Variants in PALMD observed in about 807,000 individuals in gnomAD.
PALMD encodes the protein palmdelphin.
A neutral mutation model predicts 56.2 loss-of-function variants in PALMD; 42 were observed. The observed-to-expected ratio is 0.75, with a 90% CI of 0.58 to 0.97. The LOEUF (loss-of-function observed/expected upper bound fraction) is 0.97, where lower values mean the gene tolerates loss of function less well. PALMD is among the 50% of genes least tolerant of loss of function. PALMD has a pLI of 0.00. For synonymous variants in PALMD, 242 were observed against 222.9 expected, an observed-to-expected ratio of 1.09 and a Z score of -0.76; for missense variants, 660 against 643.8, an observed-to-expected ratio of 1.03 and a Z score of -0.27.
chr1:99,690,388 A>C (rs1653628089), intron 7 of PALMD, among the ~76,000 whole-genome samples: 2 of 151,330 alleles, frequency 1.3e-5, no homozygotes, highest in East Asian at 1.9e-4. Context: ...TATTTTCCTA[A>C]TTTTTCTACA....
chr1:99,652,640 G>A (rs28637971), intron 1 of PALMD, among the ~76,000 whole-genome samples: 2 of 134,952 alleles, frequency 1.5e-5, no homozygotes, highest in Admixed American at 1.6e-4. Context: ...AAAAGGAAAG[G>A]AAAGAAAAAA....
At chr1:99,674,031 T>C (rs1653149551) in intron 3 of PALMD, among the ~76,000 whole-genome samples, 1 of 152,168 alleles carries the variant, frequency 6.6e-6, no homozygotes, top group African/African-American at 2.4e-5. Context: ...ATCCAGCTAT[T>C]TTGAGTCAAG....
chr1:99,676,782 G>A (rs72723708), intron 3 of PALMD, among the ~76,000 whole-genome samples: 19,525 of 149,376 alleles, frequency 0.13, 1,694 homozygotes, highest in Non-Finnish European at 0.2. Context: ...ACTTTAAAAA[G>A]TAAAAAAAGA....
intron 1 of PALMD, among the ~76,000 whole-genome samples, chr1:99,653,065 C>T (rs1652631311): frequency 6.6e-6 from 1 of 152,180 alleles, no homozygotes; most frequent in South Asian, 2.1e-4. Flanking sequence ...TACGTAGCCT[C>T]TTCCCTGCAG....
chr1:99,659,644 A>G (rs1376111013), intron 1 of PALMD, among the ~76,000 whole-genome samples: 3 of 152,246 alleles, frequency 2.0e-5, no homozygotes, highest in Non-Finnish European at 4.4e-5. Context: ...GTTGACTTAT[A>G]GTTTATTCTG....
chr1:99,681,220 A>G (rs116778311), intron 3 of PALMD, among the ~76,000 whole-genome samples: 5,537 of 151,964 alleles, frequency 0.036, 280 homozygotes, highest in African/African-American at 0.12. Context: ...CCCCAGTACA[A>G]CAAAATAACC....
In PALMD at chr1:99,653,673, T is replaced by C. The variant is rs539901951; in HGVS notation, c.45+7311T>C. 9.9e-5 allele frequency among the ~76,000 whole-genome samples: 15 copies of C among 152,192 alleles called. No individual in the cohort carries two copies. In the South Asian group the frequency reaches 2.3e-3, roughly 23 times the overall value. On this transcript the variant is annotated intron_variant, in intron 1 of 7. Transcript: ENST00000263174. ...TTCTTTATCCACGTCCTCACTCTCT[T>C]TACACCATGCCCAAGTTCACCCAGC...
intron 1 of PALMD, among the ~76,000 whole-genome samples, chr1:99,657,750 T>C (rs1652757968): frequency 6.6e-6 from 1 of 152,218 alleles, no homozygotes; most frequent in South Asian, 2.1e-4. Flanking sequence ...ACTCCCTATA[T>C]GGTAACTTAG....
chr1:99,648,626 C>G (rs1483703440), intron 1 of PALMD, among the ~76,000 whole-genome samples: 4 of 151,672 alleles, frequency 2.6e-5, no homozygotes, highest in Non-Finnish European at 5.9e-5. Flanking sequence ...CCCAATGCAC[C>G]CAGACATAGC....
At chr1:99,650,643 G>A (rs1652560041) in intron 1 of PALMD, among the ~76,000 whole-genome samples, 1 of 152,044 alleles carries the variant, frequency 6.6e-6, no homozygotes, top group Non-Finnish European at 1.5e-5. Flanking sequence ...GTGATTTGTG[G>A]GGCCCAAAAC....
chr1:99,653,456 T>G (rs1260582816), intron 1 of PALMD, among the ~76,000 whole-genome samples: 1 of 152,040 alleles, frequency 6.6e-6, no homozygotes, highest in African/African-American at 2.4e-5. Flanking sequence ...AGAGGTCTGT[T>G]AGAATGTGTT....
chr1:99,662,907 T>A (rs1392957448), intron 2 of PALMD, among the ~76,000 whole-genome samples: 1 of 152,216 alleles, frequency 6.6e-6, no homozygotes, highest in Non-Finnish European at 1.5e-5. Flanking sequence ...CATGAGATCA[T>A]AACCAGAAAT....
chr1:99,661,436 G>A (rs892537203), intron 1 of PALMD, among the ~76,000 whole-genome samples: 1 of 152,138 alleles, frequency 6.6e-6, no homozygotes, highest in African/African-American at 2.4e-5. Flanking sequence ...TACCTCTAGA[G>A]CACTGTGACG....
Position 99,646,248 on chromosome 1 carries a change from C to A in PALMD, c.-70C>A. 2.4e-6 allele frequency: 3 copies of A among 1,250,336 alleles called. No individual in the cohort carries two copies. The highest frequency in any genetic ancestry group is 3.5e-6 in the Non-Finnish European group (3 of 848,594). 77.5% of individuals were successfully genotyped at this position (1,250,336 alleles called of 1,614,324 possible). ...CTCTTCTGTCACCCCCGCTCCTCTC[C>A]CCCAGGAGGCTCCTTGATTTATGGT... On this transcript the variant is annotated 5_prime_UTR_variant, in exon 1 of 8. Coordinates refer to ENST00000263174, the MANE Select transcript of PALMD (RefSeq NM_017734.5).
intron 1 of PALMD, among the ~76,000 whole-genome samples, chr1:99,654,947 G>A (rs1652685773): frequency 6.6e-6 from 1 of 152,020 alleles, no homozygotes; most frequent in Non-Finnish European, 1.5e-5. Context: ...ACAAACTATG[G>A]CTATTAATCA....
intron 2 of PALMD, among the ~76,000 whole-genome samples, chr1:99,666,034 A>C (rs1652951642): frequency 6.6e-6 from 1 of 152,152 alleles, no homozygotes; most frequent in African/African-American, 2.4e-5. Context: ...CAGTTGCTTA[A>C]GATTCTGAAA....
At chr1:99,689,975 C>A in intron 7 of PALMD, 103 bp downstream of exon 7, 2 of 1,002,250 alleles carry the variant, frequency 2.0e-6, no homozygotes, top group Non-Finnish European at 2.9e-6. Flanking sequence ...ACCTCATAAA[C>A]TAATACGCAC....
At chr1:99,682,701 G>A (rs1490256335) in intron 3 of PALMD, among the ~76,000 whole-genome samples, 8 of 151,886 alleles carry the variant, frequency 5.3e-5, no homozygotes, top group Non-Finnish European at 1.0e-4. Flanking sequence ...GGAAAAGAAA[G>A]GGGCAGAGAC....
intron 4 of PALMD, 49 bp from the exon 5 acceptor site, chr1:99,686,881 T>C: frequency 7.1e-7 from 1 of 1,414,944 alleles, no homozygotes; most frequent in Non-Finnish European, 9.9e-7. Flanking sequence ...CACATTTAGA[T>C]TCTATTTTTT....
Sources: gnomAD v4.1 joint callset for allele counts (sites outside exome capture counted in the v4.1 genomes callset) on GRCh38, gnomAD v4.1.1 for gene constraint, MANE v1.5 for transcripts, NCBI Gene and HGNC (gene_info 2026-07-23, HGNC 2026-07-21) for gene names.